The following MTHFD1L variants were observed in gnomAD, a reference collection of about 807,000 sequenced individuals.
MTHFD1L encodes the protein monofunctional C1-tetrahydrofolate synthase, mitochondrial.
In MTHFD1L, 81 loss-of-function variants were observed where a neutral mutation model predicts 119.5. That is an observed-to-expected ratio of 0.68 (90% CI 0.57 to 0.82). The LOEUF (loss-of-function observed/expected upper bound fraction) is 0.82, where lower values mean the gene tolerates loss of function less well. MTHFD1L is among the 40% of genes least tolerant of loss of function. MTHFD1L has a pLI of 0.00. For missense variants in MTHFD1L, 1,125 were observed against 1,253.4 expected (o/e 0.90, Z 1.55); for synonymous variants, 430 against 475.2 (o/e 0.90, Z 1.24).
At chr6:150,866,311 C>T (rs1267740857) in intron 1 of MTHFD1L, 32 of 1,465,858 alleles carry the variant, frequency 2.2e-5, no homozygotes, top group Admixed American at 2.5e-5. Flanking sequence ...CGCCTAGCGG[C>T]ATGGACCGCA....
intron 26 of MTHFD1L, among the ~76,000 whole-genome samples, chr6:151,079,008 A>C (rs1792850897): frequency 6.6e-6 from 1 of 152,150 alleles, no homozygotes. Flanking sequence ...GACTGAGCCT[A>C]TACGTGAACG....
chr6:150,992,178 G>A (rs1779145650), intron 20 of MTHFD1L, among the ~76,000 whole-genome samples: 1 of 151,648 alleles, frequency 6.6e-6, no homozygotes, highest in Non-Finnish European at 1.5e-5. Context: ...CCCTCCCCAG[G>A]AAAGGACTCC....
chr6:151,101,024 TG>T (rs1795326708), intron 27 of MTHFD1L, among the ~76,000 whole-genome samples: 1 of 152,022 alleles, frequency 6.6e-6, no homozygotes, highest in Non-Finnish European at 1.5e-5. Context: ...CCGGGCATGG[TG>T]GTGCACACTT....
intron 20 of MTHFD1L, among the ~76,000 whole-genome samples, chr6:150,994,097 G>GAAAAGAAA (rs61147935): frequency 1.5e-5 from 2 of 129,160 alleles, no homozygotes; most frequent in African/African-American, 7.3e-5. Flanking sequence ...AAGAAAGAAA[G>GAAAAGAAA]TGACCCAGCA....
At chr6:151,030,036 C>T (rs1457070573) in intron 24 of MTHFD1L, among the ~76,000 whole-genome samples, 2 of 152,142 alleles carry the variant, frequency 1.3e-5, no homozygotes, top group African/African-American at 4.8e-5. Flanking sequence ...TTCTTTCAGT[C>T]CTCCCTACCG....
intron 4 of MTHFD1L, among the ~76,000 whole-genome samples, chr6:150,878,134 C>T (rs1780776935): frequency 6.6e-6 from 1 of 152,222 alleles, no homozygotes; most frequent in Non-Finnish European, 1.5e-5. Flanking sequence ...CCTTGGACCA[C>T]AGATCCCTGT....
rs1181872885 is a variant in MTHFD1L, at chr6:151,037,070, G to T, written c.2800G>T (p.Val934Phe). The change falls in exon 26 of 28, where the codon GTC becomes TTC. Residue 934 changes from valine to phenylalanine, a missense_variant. Coordinates refer to ENST00000367321, the MANE Select transcript of MTHFD1L (RefSeq NM_015440.5). Reference sequence around the variant, plus strand: ...GGACTTCATCTTACCTATCAGTGACGTCCGGGCCAGCATAGGCGCTGGGTT... The same window carrying T: ...GGACTTCATCTTACCTATCAGTGACTTCCGGGCCAGCATAGGCGCTGGGTT... Reference protein sequence around the residue: ...PRDFILPISDVRASIGAGFIY... With the variant: ...PRDFILPISDFRASIGAGFIY... 2 of 1,611,840 alleles carry T rather than the reference G, an allele frequency of 1.2e-6. No individual in the cohort carries two copies. Among genetic ancestry groups the T allele is most frequent in the Admixed American group, 3.3e-5 (2 of 59,990 alleles).
chr6:150,866,246 G>T, intron 1 of MTHFD1L, 197 bp downstream of exon 1: 3 of 1,414,354 alleles, frequency 2.1e-6, no homozygotes, highest in Non-Finnish European at 2.8e-6. Flanking sequence ...GAGAACGGGG[G>T]ATCCAGTACC....
chr6:151,066,833 C>T (rs1241396515), intron 26 of MTHFD1L, among the ~76,000 whole-genome samples: 1 of 151,868 alleles, frequency 6.6e-6, no homozygotes, highest in Non-Finnish European at 1.5e-5. Context: ...TTCGCTGATG[C>T]TTTAGGAACT....
At chr6:150,925,660 TAATCTC>T (rs1393679900) in intron 10 of MTHFD1L, among the ~76,000 whole-genome samples, 1 of 152,210 alleles carries the variant, frequency 6.6e-6, no homozygotes. Flanking sequence ...TTTTTGTACT[TAATCTC>T]TAATGTGATA....
chr6:150,900,234 T>C (rs571740317), intron 7 of MTHFD1L, among the ~76,000 whole-genome samples: 45 of 152,004 alleles, frequency 3.0e-4, no homozygotes, highest in Non-Finnish European at 5.9e-4. Flanking sequence ...CAAAAGTGTA[T>C]TTTTTGCTTT....
chr6:150,898,770 A>G (rs1360623603), intron 7 of MTHFD1L: 1 of 348,370 alleles, frequency 2.9e-6, no homozygotes, highest in Non-Finnish European at 5.4e-6. Flanking sequence ...ATCTACATAC[A>G]CATTCTCTTT....
In MTHFD1L at chr6:150,964,966, T is replaced by C; in HGVS notation, c.1945-3T>C. On this transcript the variant is annotated splice_region_variant and splice_polypyrimidine_tract_variant and intron_variant, in intron 18 of 27. Coordinates refer to ENST00000367321, the MANE Select transcript of MTHFD1L (RefSeq NM_015440.5). ...GAATCTAATGTTTTTCTCTCTCCTGTAGGGGGTGACAGGTGCTTTGACAGT... is the reference window on the plus strand; with the variant it reads ...GAATCTAATGTTTTTCTCTCTCCTGCAGGGGGTGACAGGTGCTTTGACAGT... 2 of 1,613,636 alleles carry C rather than the reference T, an allele frequency of 1.2e-6. No individual in the cohort carries two copies. The highest frequency in any genetic ancestry group is 1.1e-5 in the South Asian group (1 of 91,058).
At chr6:150,899,485 G>T (rs184791479) in intron 7 of MTHFD1L, among the ~76,000 whole-genome samples, 1 of 152,158 alleles carries the variant, frequency 6.6e-6, no homozygotes, top group East Asian at 1.9e-4. Context: ...GCCAAAGTAC[G>T]ACAACATCTG....
At chr6:150,884,042 A>G (rs1420392492) in intron 5 of MTHFD1L, among the ~76,000 whole-genome samples, 1 of 152,002 alleles carries the variant, frequency 6.6e-6, no homozygotes, top group African/African-American at 2.4e-5. Context: ...ACAGTGGCTC[A>G]CACCTGTAAT....
chr6:150,943,401 C>T (rs573536826), intron 13 of MTHFD1L, among the ~76,000 whole-genome samples: 1 of 151,836 alleles, frequency 6.6e-6, no homozygotes, highest in Non-Finnish European at 1.5e-5. Flanking sequence ...GGGGCTGAAG[C>T]GAGAGGATCA....
intron 26 of MTHFD1L, among the ~76,000 whole-genome samples, chr6:151,057,054 C>CCTGGGG (rs1345480721): frequency 3.3e-5 from 5 of 152,126 alleles, no homozygotes; most frequent in Admixed American, 1.3e-4. Flanking sequence ...CCAGACATAT[C>CCTGGGG]CTGGGGCTGG....
intron 17 of MTHFD1L, among the ~76,000 whole-genome samples, chr6:150,958,882 A>G (rs1417459381): frequency 6.6e-6 from 1 of 152,156 alleles, no homozygotes; most frequent in Non-Finnish European, 1.5e-5. Flanking sequence ...TATGCTCAAG[A>G]TGTGAAATTT....
intron 11 of MTHFD1L, among the ~76,000 whole-genome samples, chr6:150,928,326 C>T (rs1405056161): frequency 6.7e-6 from 1 of 149,794 alleles, no homozygotes; most frequent in Non-Finnish European, 1.5e-5. Flanking sequence ...GTCCCAGCTA[C>T]TCAGGAGGCT....
Sources: gnomAD v4.1 joint callset for allele counts (sites outside exome capture counted in the v4.1 genomes callset) on GRCh38, gnomAD v4.1.1 for gene constraint, MANE v1.5 for transcripts, NCBI Gene and HGNC (gene_info 2026-07-23, HGNC 2026-07-21) for gene names.